The following NCAN variants were observed in gnomAD, a reference collection of about 807,000 sequenced individuals.
NCAN encodes the protein neurocan core protein.
Under a neutral mutation model 121.8 loss-of-function variants are expected in NCAN, and 47 were observed. The ratio of observed to expected loss-of-function variants is 0.39; its 90% CI spans 0.31 to 0.49. The LOEUF (loss-of-function observed/expected upper bound fraction) is 0.49, where lower values mean the gene tolerates loss of function less well. Among genes scored for constraint, NCAN ranks in the 20% least tolerant of loss-of-function variants. The pLI is 0.92. For missense variants in NCAN, 1,517 were observed against 1,773.4 expected, an observed-to-expected ratio of 0.86 and a Z score of 2.60; for synonymous variants, 633 against 702.0, an observed-to-expected ratio of 0.90 and a Z score of 1.55.
Position 19,226,867 on chromosome 19 carries a change from G to A in NCAN, c.1454G>A (p.Gly485Glu), listed in dbSNP as rs2060839200. The A allele has an allele frequency of 6.2e-7, 1 of 1,612,474 alleles. No individual in the cohort carries two copies. The highest frequency in any genetic ancestry group is 8.5e-7 in the Non-Finnish European group (1 of 1,179,602). The change falls in exon 7 of 15, where the codon GGG (glycine) becomes GAG (glutamate). Residue 485 changes from glycine to glutamate, a missense_variant. Coordinates refer to ENST00000252575, the MANE Select transcript of NCAN (RefSeq NM_004386.3). ...PMPRRRGRFK[G>E]LNGRYFQQQE... ...CCTAGGAGAAGGGGGCGCTTCAAAG[G>A]GTTGAATGGGCGCTACTTCCAGCAG...
chr19:19,214,184 A>G (rs567431212), intron 1 of NCAN, among the ~76,000 whole-genome samples: 40 of 152,148 alleles, frequency 2.6e-4, no homozygotes, highest in Admixed American at 2.3e-3. Context: ...GGTGAAGTGA[A>G]GGAGGGGACA....
Position 19,249,860 on chromosome 19 carries a change from C to T in NCAN, c.3915C>T (p.His1305=). Residue 1305 remains histidine (H), a synonymous_variant, in exon 15 of 15, where the codon CAC becomes CAT. Transcript: ENST00000252575. ...AATCCCGCAAGGAGCGCAGAAAACACAAGAAACACCCAACGGAGGACTGGG... is the reference window on the plus strand; with the variant it reads ...AATCCCGCAAGGAGCGCAGAAAACATAAGAAACACCCAACGGAGGACTGGG... The part of the protein sequence containing the change: ...HHKSRKERRK[H]KKHPTEDWEK... The T allele has an allele frequency of 2.5e-6, 4 of 1,614,124 alleles. No homozygotes were observed. Among genetic ancestry groups the T allele is most frequent in the Non-Finnish European group, 3.4e-6 (4 of 1,180,018 alleles).
intron 10 of NCAN, among the ~76,000 whole-genome samples, chr19:19,237,074 T>G (rs1299391644): frequency 6.7e-6 from 1 of 149,780 alleles, no homozygotes; most frequent in African/African-American, 2.5e-5. Flanking sequence ...CCACCACACG[T>G]GACTCAATTT....
intron 2 of NCAN, 73 bp from the exon 3 acceptor site, chr19:19,218,842 A>G (rs2060805069): frequency 1.5e-6 from 2 of 1,373,844 alleles, no homozygotes. Flanking sequence ...AAATTTTTTA[A>G]AAGAGGGAAA....
chr19:19,221,266 G>T (rs747677796), intron 3 of NCAN, among the ~76,000 whole-genome samples: 1 of 150,098 alleles, frequency 6.7e-6, no homozygotes, highest in Non-Finnish European at 1.5e-5. Context: ...ATGGCTGGGC[G>T]CAGTGGCTCA....
intron 8 of NCAN, among the ~76,000 whole-genome samples, chr19:19,230,984 G>C (rs1453158771): frequency 6.6e-6 from 1 of 151,284 alleles, no homozygotes; most frequent in Non-Finnish European, 1.5e-5. Context: ...GGGCTCAAGT[G>C]ATCCTCTTGC....
chr19:19,229,523 G>C (rs553349692), intron 8 of NCAN, among the ~76,000 whole-genome samples: 1 of 152,206 alleles, frequency 6.6e-6, no homozygotes, highest in African/African-American at 2.4e-5. Context: ...TGCAAGGGGC[G>C]AGAATCACCC....
chr19:19,244,263 G>A (rs1282260866), intron 12 of NCAN, among the ~76,000 whole-genome samples: 1 of 150,280 alleles, frequency 6.7e-6, no homozygotes, highest in African/African-American at 2.5e-5. Flanking sequence ...TCACACTGGT[G>A]GTTCCCTTTG....
intron 8 of NCAN, among the ~76,000 whole-genome samples, chr19:19,232,373 A>G (rs1051139573): frequency 6.6e-6 from 1 of 152,232 alleles, no homozygotes; most frequent in African/African-American, 2.4e-5. Context: ...AGGTGTCAGC[A>G]GCGCGGGGCA....
rs772551052 is a variant in NCAN at position 19,240,688 on chromosome 19, G to A, written c.3492+3G>A. ...AGTGGACGGACAACACCGGGCTGGT[G>A]AGTGGCAGGGGCTGCGGGCCTAGGC... On this transcript the variant is annotated splice_donor_region_variant and intron_variant, in intron 12 of 14. Transcript: ENST00000252575. The A allele has an allele frequency of 8.1e-6, 13 of 1,613,830 alleles. No homozygotes were observed. Among genetic ancestry groups the A allele is most frequent in the Admixed American group, 5.0e-5 (3 of 59,996 alleles).
chr19:19,227,403 G>A lies in NCAN; in HGVS notation c.1783G>A (p.Ala595Thr), dbSNP rs137981080. 1.4e-4 allele frequency: 220 copies of A among 1,613,544 alleles called. No individual in the cohort carries two copies. Among genetic ancestry groups the A allele is most frequent in the Non-Finnish European group, 1.7e-4 (206 of 1,179,966 alleles). ...GCTAGAGAAAGCCGAGGGCCCCAGT[G>A]CCAGGCCAGCCACCCCAGACCTGTT... The part of the protein sequence containing the change: ...LELEKAEGPS[A>T]RPATPDLFWS... Residue 595 changes from alanine to threonine, a missense_variant, in exon 8 of 15, where the codon GCC (alanine) becomes ACC (threonine). Physicochemically the swap from Ala to Thr is moderately conservative, Grantham distance 58 (BLOSUM62 0). Transcript: ENST00000252575. The surrounding 1 kb of genome is among the most constrained non-coding windows in gnomAD (Gnocchi z 4.2).
chr19:19,224,565 A>C, intron 5 of NCAN, 132 bp downstream of exon 5: 1 of 1,220,868 alleles, frequency 8.2e-7, no homozygotes, highest in Non-Finnish European at 1.1e-6. Flanking sequence ...CAACCAAGAC[A>C]TGATTCCACT....
chr19:19,244,556 C>G (rs947126780), intron 12 of NCAN, among the ~76,000 whole-genome samples: 2 of 151,394 alleles, frequency 1.3e-5, no homozygotes, highest in African/African-American at 2.4e-5. Context: ...TGATCTGACC[C>G]CCTTGGCCTC....
At chr19:19,245,231 G>A in intron 12 of NCAN, 82 bp from the exon 13 acceptor site, 2 of 1,543,756 alleles carry the variant, frequency 1.3e-6, no homozygotes, top group Non-Finnish European at 1.8e-6. Flanking sequence ...GGTCTGGCCA[G>A]GGGAGTCCCA....
chr19:19,243,526 A>AG (rs2060911662), intron 12 of NCAN, among the ~76,000 whole-genome samples: 1 of 151,218 alleles, frequency 6.6e-6, no homozygotes, highest in East Asian at 1.9e-4. Context: ...AAAAAAAAAA[A>AG]AAAAAAAAGA....
Position 19,224,039 on chromosome 19 carries a change from G to A in NCAN, c.494G>A (p.Arg165Gln). Residue 165 changes from arginine (R) to glutamine (Q), a missense_variant, in exon 4 of 15, where the codon CGA (arginine) becomes CAA (glutamine). By Grantham distance (43) the Arg-to-Gln change is conservative (BLOSUM62 1). Coordinates refer to ENST00000252575, the MANE Select transcript of NCAN (RefSeq NM_004386.3). Reference protein sequence around the residue: ...LEVTGVVFHYRSARDRYALTF... With the variant: ...LEVTGVVFHYQSARDRYALTF... Reference sequence around the variant, plus strand: ...CCCACAGGTGTTGTGTTCCACTACCGATCAGCCCGGGACCGCTATGCACTG... The same window carrying A: ...CCCACAGGTGTTGTGTTCCACTACCAATCAGCCCGGGACCGCTATGCACTG... 5.2e-6 allele frequency: 8 copies of A among 1,533,034 alleles called. No homozygotes were observed. The highest frequency in any genetic ancestry group is 2.1e-5 in the Admixed American group (1 of 48,710). 95.0% of individuals were successfully genotyped at this position (1,533,034 alleles called of 1,614,324 possible). A position where few individuals can be genotyped will look rare whatever the true frequency, so the allele number is the denominator to read the frequency against.
At chr19:19,246,375 T>A (rs994641116) in intron 13 of NCAN, among the ~76,000 whole-genome samples, 1 of 152,188 alleles carries the variant, frequency 6.6e-6, no homozygotes, top group African/African-American at 2.4e-5. Flanking sequence ...GTGCAGCCAG[T>A]TCTCACTTTC....
chr19:19,235,525 G>T (rs1049187320), intron 10 of NCAN, among the ~76,000 whole-genome samples: 1 of 151,588 alleles, frequency 6.6e-6, no homozygotes, highest in East Asian at 1.9e-4. Context: ...ACCCACCTTG[G>T]CATCCCAAAG....
At position 19,227,203 on chromosome 19, in the gene NCAN, C is replaced by G. The variant is rs990883732; in HGVS notation, c.1661-78C>G. 6.7e-7 allele frequency: 1 copy of G among 1,498,050 alleles called. No individual in the cohort carries two copies. The allele number at this position is 1,498,050 out of a possible 1,614,324, so 92.8% of individuals were successfully genotyped here. A position where few individuals can be genotyped will look rare whatever the true frequency, so the allele number is the denominator to read the frequency against. ...GCTGGGTCCTCTGGCCCCAGAAGCC[C>G]CCTCTCCCTTGGGCCTGGAGTCCAA... On this transcript the variant is annotated intron_variant, in intron 7 of 14. Coordinates refer to ENST00000252575, the MANE Select transcript of NCAN (RefSeq NM_004386.3). The surrounding 1 kb of genome is among the most constrained non-coding windows in gnomAD (Gnocchi z 4.2).
Sources: allele counts gnomAD v4.1 joint callset (sites outside exome capture counted in the v4.1 genomes callset), GRCh38; gene constraint gnomAD v4.1.1; non-coding constraint Gnocchi (gnomAD v3.1); transcripts MANE v1.5; gene names NCBI Gene and HGNC (gene_info 2026-07-23, HGNC 2026-07-21).